Variants in BBS9 observed in about 807,000 individuals in gnomAD.
The protein encoded by BBS9 is Bardet-Biedl syndrome 9.
A neutral mutation model predicts 117.7 loss-of-function variants in BBS9; 89 were observed. The ratio of observed to expected loss-of-function variants is 0.76; its 90% CI spans 0.64 to 0.90. BBS9 has a LOEUF of 0.90. Among genes scored for constraint, BBS9 ranks in the 40% least tolerant of loss-of-function variants. The probability of loss-of-function intolerance (pLI) is 0.00; values close to 1 mark genes in which losing one functional copy is unlikely to be tolerated. For missense variants in BBS9, 982 were observed against 1,042.2 expected (o/e 0.94, Z 0.80); for synonymous variants, 379 against 370.9 (o/e 1.02, Z -0.25).
At chr7:33,424,468 T>A in intron 19 of BBS9, among the ~76,000 whole-genome samples, 1 of 152,162 alleles carries the variant, frequency 6.6e-6, no homozygotes, top group Non-Finnish European at 1.5e-5. Flanking sequence ...ATGTTTTTTT[T>A]AAAAGGTTCC....
chr7:33,493,052 T>C (rs150737755), intron 19 of BBS9, among the ~76,000 whole-genome samples: 1,962 of 152,270 alleles, frequency 0.013, 18 homozygotes, highest in Middle Eastern at 0.017. Context: ...TGGAGTGCAG[T>C]GGTGCATTCT....
intron 5 of BBS9, among the ~76,000 whole-genome samples, chr7:33,237,078 A>G (rs900633072): frequency 6.6e-6 from 1 of 152,198 alleles, no homozygotes; most frequent in African/African-American, 2.4e-5. Context: ...TAAAATGAAT[A>G]CATTTTTATT....
intron 19 of BBS9, among the ~76,000 whole-genome samples, chr7:33,456,787 A>AAC (rs1838716988): frequency 6.6e-6 from 1 of 152,228 alleles, no homozygotes; most frequent in South Asian, 2.1e-4. Flanking sequence ...ACTTTGATTA[A>AAC]AAAGTGACAA....
intron 21 of BBS9, among the ~76,000 whole-genome samples, chr7:33,624,456 G>A (rs1214163442): frequency 1.6e-4 from 24 of 152,094 alleles, no homozygotes; most frequent in Admixed American, 1.6e-3. Flanking sequence ...TCCTCATCCT[G>A]TAAACATTCT....
chr7:33,182,147 AG>A (rs1355380678), intron 5 of BBS9, among the ~76,000 whole-genome samples: 5 of 152,206 alleles, frequency 3.3e-5, no homozygotes, highest in African/African-American at 1.2e-4. Flanking sequence ...CTAGGCAAAA[AG>A]AAAAAAAAAT....
chr7:33,571,546 T>C (rs1857787485), intron 21 of BBS9, among the ~76,000 whole-genome samples: 1 of 152,096 alleles, frequency 6.6e-6, no homozygotes, highest in African/African-American at 2.4e-5. Flanking sequence ...TCATTTAATT[T>C]TTCTTATTTT....
chr7:33,505,521 C>T lies in BBS9; in HGVS notation c.2174C>T (p.Thr725Ile), dbSNP rs749948775. The change falls in exon 20 of 23, where the codon ACC becomes ATC. Residue 725 changes from threonine to isoleucine, a missense_variant. Coordinates refer to ENST00000242067, the MANE Select transcript of BBS9 (RefSeq NM_198428.3). ...ENQGNLFQSF[T>I]RLKSATHLVI... ...CAAGGCAATCTGTTCCAGTCATTCA[C>T]CAGGCTGAAGAGTGCCACCCATTTG... is the stretch of plus-strand genomic sequence containing the variant. The T allele has an allele frequency of 5.5e-5, 88 of 1,614,048 alleles. No homozygotes were observed. Among genetic ancestry groups the T allele is most frequent in the Non-Finnish European group, 7.1e-5 (84 of 1,179,992 alleles).
At chr7:33,393,618 C>T (rs1255211776) in intron 19 of BBS9, among the ~76,000 whole-genome samples, 5 of 152,128 alleles carry the variant, frequency 3.3e-5, no homozygotes, top group Non-Finnish European at 5.9e-5. Context: ...ACCCCTACCC[C>T]CAAATCACAT....
At chr7:33,591,265 CTA>C (rs1861872045) in intron 21 of BBS9, among the ~76,000 whole-genome samples, 1 of 151,978 alleles carries the variant, frequency 6.6e-6, no homozygotes, top group African/African-American at 2.4e-5. Flanking sequence ...CTCCTTCCCT[CTA>C]TATGTTTATT....
chr7:33,464,129 T>C (rs1440273657), intron 19 of BBS9, among the ~76,000 whole-genome samples: 1 of 152,118 alleles, frequency 6.6e-6, no homozygotes, highest in Admixed American at 6.6e-5. Context: ...AATTTGACTG[T>C]CTGGTTTGGT....
intron 17 of BBS9, 64 bp from the exon 18 acceptor site, chr7:33,383,602 T>C: frequency 1.4e-6 from 2 of 1,400,516 alleles, no homozygotes; most frequent in African/African-American, 2.8e-5. Context: ...TTAGTGATAG[T>C]TCATGTAGCT....
At chr7:33,208,364 T>C (rs1787356668) in intron 5 of BBS9, among the ~76,000 whole-genome samples, 2 of 152,224 alleles carry the variant, frequency 1.3e-5, no homozygotes, top group Non-Finnish European at 2.9e-5. Context: ...CAAATTCCTC[T>C]AAGTATTCGT....
intron 6 of BBS9, among the ~76,000 whole-genome samples, chr7:33,261,093 A>G (rs1797914879): frequency 6.8e-6 from 1 of 147,954 alleles, no homozygotes; most frequent in African/African-American, 2.5e-5. Context: ...CATACTGTCT[A>G]TCTCCTATGT....
At chr7:33,583,654 T>C (rs938832542) in intron 21 of BBS9, among the ~76,000 whole-genome samples, 1 of 152,082 alleles carries the variant, frequency 6.6e-6, no homozygotes, top group Non-Finnish European at 1.5e-5. Context: ...TCTAGGGTAT[T>C]TGAGAGCTAG....
chr7:33,455,978 A>G (rs1012265800), intron 19 of BBS9, among the ~76,000 whole-genome samples: 1 of 152,300 alleles, frequency 6.6e-6, no homozygotes, highest in South Asian at 2.1e-4. Context: ...ATATGTGGAG[A>G]TAATGAAATT....
At chr7:33,273,391 T>C (rs1309787780) in intron 8 of BBS9, among the ~76,000 whole-genome samples, 196 bp downstream of exon 8, 1 of 152,226 alleles carries the variant, frequency 6.6e-6, no homozygotes, top group African/African-American at 2.4e-5. Context: ...TCAGTCATTT[T>C]ACTTTGTACA....
At chr7:33,296,718 C>T (rs977492859) in intron 9 of BBS9, among the ~76,000 whole-genome samples, 1 of 152,116 alleles carries the variant, frequency 6.6e-6, no homozygotes, top group Non-Finnish European at 1.5e-5. Context: ...CCAACAGAGG[C>T]GAATAAACAC....
chr7:33,478,157 A>G (rs886729447), intron 19 of BBS9, among the ~76,000 whole-genome samples: 2 of 152,198 alleles, frequency 1.3e-5, no homozygotes, highest in Non-Finnish European at 2.9e-5. Context: ...AAAGGGGAAT[A>G]TTAAAATTAT....
intron 5 of BBS9, among the ~76,000 whole-genome samples, chr7:33,184,780 G>T (rs1249126469): frequency 6.6e-6 from 1 of 152,178 alleles, no homozygotes; most frequent in Non-Finnish European, 1.5e-5. Context: ...AAACAAGAAA[G>T]AATTCAGGGC....
Sources: gnomAD v4.1 joint callset for allele counts (sites outside exome capture counted in the v4.1 genomes callset) on GRCh38, gnomAD v4.1.1 for gene constraint, MANE v1.5 for transcripts, NCBI Gene and HGNC (gene_info 2026-07-23, HGNC 2026-07-21) for gene names.